Variants in PRKCI observed in about 807,000 individuals in gnomAD.
The protein encoded by PRKCI is protein kinase C iota, also known as protein kinase C iota type.
In PRKCI, 43 loss-of-function variants were observed where a neutral mutation model predicts 84.0. The observed-to-expected ratio is 0.51, with a 90% CI of 0.40 to 0.66. The LOEUF (loss-of-function observed/expected upper bound fraction) is 0.66, where lower values mean the gene tolerates loss of function less well. Ranked by LOEUF, PRKCI falls within the 30% of genes least tolerant of loss-of-function variation. PRKCI has a pLI of 0.00. For synonymous variants in PRKCI, 216 were observed against 234.4 expected (o/e 0.92, Z 0.72); for missense variants, 459 against 745.6 (o/e 0.62, Z 4.48).
chr3:170,246,319 A>C (rs1344506297), intron 2 of PRKCI, among the ~76,000 whole-genome samples: 1 of 151,910 alleles, frequency 6.6e-6, no homozygotes, highest in Non-Finnish European at 1.5e-5. Flanking sequence ...TGCCCAGCTA[A>C]TTTTTGTACT....
At chr3:170,253,300 C>T (rs1344692816) in intron 2 of PRKCI, among the ~76,000 whole-genome samples, 1 of 152,052 alleles carries the variant, frequency 6.6e-6, no homozygotes, top group Non-Finnish European at 1.5e-5. Context: ...AAGTACATTC[C>T]CACCAACAGC....
chr3:170,287,926 A>AAAAAG (rs1285310934), intron 12 of PRKCI, among the ~76,000 whole-genome samples: 10 of 150,620 alleles, frequency 6.6e-5, no homozygotes, highest in Non-Finnish European at 1.5e-5. Flanking sequence ...AAAAAAAAAA[A>AAAAAG]AAAAGAAAAT....
chr3:170,244,401 G>GAGCT (rs1224644822), intron 2 of PRKCI, among the ~76,000 whole-genome samples: 1 of 152,146 alleles, frequency 6.6e-6, no homozygotes, highest in East Asian at 1.9e-4. Context: ...GGGGTTCAGA[G>GAGCT]AGCTTCCTGC....
chr3:170,270,373 G>A (rs760964282), intron 5 of PRKCI, 48 bp from the exon 6 acceptor site: 9 of 1,543,954 alleles, frequency 5.8e-6, no homozygotes, highest in Non-Finnish European at 7.9e-6. Flanking sequence ...TTGGGAAATG[G>A]TTATGACCTT....
chr3:170,297,300 A>T lies in PRKCI; in HGVS notation c.1498-4A>T, dbSNP rs777017602. 1.9e-6 allele frequency: 3 copies of T among 1,608,746 alleles called. No individual in the cohort carries two copies. The highest frequency in any genetic ancestry group is 2.7e-5 in the African/African-American group (2 of 74,934). ...CAATTCTTGAAACATTTCTTTCACC[A>T]TAGGACCCTAAGGAACGATTGGGTT... On this transcript the variant is annotated splice_region_variant and splice_polypyrimidine_tract_variant and intron_variant, in intron 15 of 17. Coordinates refer to ENST00000295797, the MANE Select transcript of PRKCI (RefSeq NM_002740.6).
chr3:170,294,691 T>G (rs1734650705), intron 14 of PRKCI, among the ~76,000 whole-genome samples: 2 of 152,188 alleles, frequency 1.3e-5, no homozygotes, highest in Non-Finnish European at 2.9e-5. Flanking sequence ...ATAACAATCC[T>G]ATGAAGTATT....
At chr3:170,249,509 C>T (rs1733382057) in intron 2 of PRKCI, among the ~76,000 whole-genome samples, 1 of 152,134 alleles carries the variant, frequency 6.6e-6, no homozygotes, top group South Asian at 2.1e-4. Context: ...GAAGTGTTAG[C>T]TGGGCGTGGT....
At chr3:170,291,679 A>G (rs557145484) in intron 12 of PRKCI, 175 bp from the exon 13 acceptor site, 18 of 527,328 alleles carry the variant, frequency 3.4e-5, no homozygotes, top group African/African-American at 2.7e-4. Context: ...CCTGGGCGAC[A>G]GAGCAAGACC....
intron 15 of PRKCI, among the ~76,000 whole-genome samples, chr3:170,296,658 CT>C (rs1312833129): frequency 3.3e-5 from 5 of 151,928 alleles, no homozygotes; most frequent in African/African-American, 1.2e-4. Context: ...AAATTGAAGC[CT>C]TTTAAAAAAT....
chr3:170,305,969 TAATACCC>T lies in PRKCI; in HGVS notation c.*2844_*2850del, dbSNP rs201662981. 1.3e-5 allele frequency: 2 copies of T among 151,696 alleles called. No individual in the cohort carries two copies. Among genetic ancestry groups the T allele is most frequent in the East Asian group, 3.9e-4 (2 of 5,186 alleles). The allele number at this position is 151,696 out of a possible 1,614,324, so 9.4% of individuals were successfully genotyped here. A position where few individuals can be genotyped will look rare whatever the true frequency, so the allele number is the denominator to read the frequency against. ...CTTTGAAGTCTTTAAATAAAATGTA[TAATACCC>T]ATTGAGAGTGGATCATTTTTCATAT... is the stretch of plus-strand genomic sequence containing the variant. On this transcript the variant is annotated 3_prime_UTR_variant, in exon 18 of 18. Coordinates refer to ENST00000295797, the MANE Select transcript of PRKCI (RefSeq NM_002740.6).
At chr3:170,246,958 G>T (rs1157808842) in intron 2 of PRKCI, among the ~76,000 whole-genome samples, 1 of 150,604 alleles carries the variant, frequency 6.6e-6, no homozygotes, top group Admixed American at 6.6e-5. Flanking sequence ...GGAAGTTTTT[G>T]TTTTTTTTTC....
intron 8 of PRKCI, among the ~76,000 whole-genome samples, chr3:170,278,742 G>A (rs113249139): frequency 4.0e-4 from 61 of 152,378 alleles, no homozygotes; most frequent in African/African-American, 1.4e-3. Flanking sequence ...CGGTTCTGCA[G>A]GCTGATCAGT....
Position 170,281,936 on chromosome 3 carries a change from G to A in PRKCI, c.1035G>A (p.Gln345=). Residue 345 remains glutamine, a synonymous_variant, in exon 11 of 18, where the codon CAG becomes CAA. Transcript: ENST00000295797. ...VNGGDLMFHM[Q]RQRKLPEEHA... ...GAGGAGACCTAATGTTTCATATGCA[G>A]CGACAAAGAAAACTTCCTGAAGAAC... 2 of 1,611,628 alleles carry A rather than the reference G, an allele frequency of 1.2e-6. No individual in the cohort carries two copies. The highest frequency in any genetic ancestry group is 1.7e-6 in the Non-Finnish European group (2 of 1,178,756).
At chr3:170,276,237 C>T (rs1187909488) in intron 8 of PRKCI, among the ~76,000 whole-genome samples, 2 of 152,176 alleles carry the variant, frequency 1.3e-5, no homozygotes, top group Middle Eastern at 3.4e-3. Context: ...CCATGCCCAG[C>T]CAAAACTTTG....
At chr3:170,288,452 T>TC (rs1239830312) in intron 12 of PRKCI, among the ~76,000 whole-genome samples, 1 of 152,048 alleles carries the variant, frequency 6.6e-6, no homozygotes, top group African/African-American at 2.4e-5. Flanking sequence ...TTCCTCCTTC[T>TC]CCAAGAGCTG....
rs191313621 is a variant in PRKCI at position 170,281,338 on chromosome 3, C to T, written c.980+75C>T. On this transcript the variant is annotated intron_variant, in intron 10 of 17. Coordinates refer to ENST00000295797, the MANE Select transcript of PRKCI (RefSeq NM_002740.6). ...ATATTACACAGTTAGAACCTTTCTG[C>T]CCTAATTCATGAAGTTGATATCATG... 1,663 of 1,194,136 alleles carry T rather than the reference C, an allele frequency of 1.4e-3. 5 individuals carry two copies. Among genetic ancestry groups the T allele is most frequent in the Non-Finnish European group, 1.9e-3 (1,523 of 812,258 alleles). The allele number at this position is 1,194,136 out of a possible 1,614,324, so 74.0% of individuals were successfully genotyped here.
intron 2 of PRKCI, among the ~76,000 whole-genome samples, chr3:170,241,857 G>A (rs1733141923): frequency 6.6e-6 from 1 of 151,732 alleles, no homozygotes; most frequent in African/African-American, 2.4e-5. Context: ...GCTGGGTGCA[G>A]TGGCTCACAC....
At chr3:170,288,111 T>C (rs1734445397) in intron 12 of PRKCI, among the ~76,000 whole-genome samples, 1 of 151,420 alleles carries the variant, frequency 6.6e-6, no homozygotes, top group African/African-American at 2.4e-5. Flanking sequence ...CCAGGCGTGG[T>C]GGCGGACGCC....
At chr3:170,247,433 C>G (rs1158799411) in intron 2 of PRKCI, among the ~76,000 whole-genome samples, 1 of 151,120 alleles carries the variant, frequency 6.6e-6, no homozygotes, top group Non-Finnish European at 1.5e-5. Context: ...TTCATCTCTC[C>G]TGATGTGAAT....
Sources: allele counts gnomAD v4.1 joint callset (sites outside exome capture counted in the v4.1 genomes callset), GRCh38; gene constraint gnomAD v4.1.1; transcripts MANE v1.5; gene names NCBI Gene and HGNC (gene_info 2026-07-23, HGNC 2026-07-21).